Variants in LRFN5 observed in about 807,000 individuals in gnomAD.
LRFN5 encodes leucine rich repeat and fibronectin type III domain containing 5.
A neutral mutation model predicts 45.6 loss-of-function variants in LRFN5; 24 were observed. That is an observed-to-expected ratio of 0.53 (90% CI 0.38 to 0.74). The LOEUF is 0.74. Ranked by LOEUF, LRFN5 falls within the 30% of genes least tolerant of loss-of-function variation. LRFN5 has a pLI of 0.00. For missense variants in LRFN5, 776 were observed against 861.5 expected (o/e 0.90, Z 1.24); for synonymous variants, 340 against 313.8 (o/e 1.08, Z -0.88).
chr14:41,859,464 C>G (rs897329429), intron 2 of LRFN5, among the ~76,000 whole-genome samples: 1 of 152,186 alleles, frequency 6.6e-6, no homozygotes, highest in Non-Finnish European at 1.5e-5. Context: ...TGGTGAGGTC[C>G]TAACACCTTC....
intron 1 of LRFN5, among the ~76,000 whole-genome samples, chr14:41,710,638 A>T (rs1000925430): frequency 1.3e-5 from 2 of 152,144 alleles, no homozygotes; most frequent in Non-Finnish European, 2.9e-5. Flanking sequence ...TTTAAATTAT[A>T]CTTCAAGTTC....
intron 2 of LRFN5, among the ~76,000 whole-genome samples, chr14:41,875,128 C>T (rs1890145393): frequency 6.6e-6 from 1 of 152,220 alleles, no homozygotes; most frequent in Non-Finnish European, 1.5e-5. Context: ...GTACTTATCT[C>T]CTGGAGGTAC....
rs151229737 is a variant in LRFN5 at position 41,842,987 on chromosome 14, A to G, written c.-20-43619A>G. 3.5e-3 allele frequency among the ~76,000 whole-genome samples: 533 copies of G among 151,618 alleles called. 5 individuals carry two copies. The highest frequency in any genetic ancestry group is 0.012 in the African/African-American group (512 of 41,376). ...TTTAGTTAATTTATATCAATGTTTT[A>G]TATGTTATTCATATCATTTCTTTTT... On this transcript the variant is annotated intron_variant, in intron 2 of 5. Transcript: ENST00000298119.
At chr14:41,850,047 T>C (rs1889210971) in intron 2 of LRFN5, among the ~76,000 whole-genome samples, 1 of 151,946 alleles carries the variant, frequency 6.6e-6, no homozygotes, top group Non-Finnish European at 1.5e-5. Flanking sequence ...GGTCTTCACC[T>C]CCAAGTACTA....
chr14:41,633,247 A>AAT (rs1308505841), intron 1 of LRFN5, among the ~76,000 whole-genome samples: 1 of 152,088 alleles, frequency 6.6e-6, no homozygotes, highest in Non-Finnish European at 1.5e-5. Flanking sequence ...ATAGTACTAT[A>AAT]ATATATATAA....
intron 2 of LRFN5, among the ~76,000 whole-genome samples, chr14:41,878,447 A>G (rs1387487143): frequency 1.3e-5 from 2 of 152,144 alleles, no homozygotes; most frequent in Admixed American, 6.5e-5. Context: ...ATTTGCTTTT[A>G]TATTCCATCC....
intron 5 of LRFN5, 145 bp from the exon 6 acceptor site, chr14:41,904,013 G>A (rs567123343): frequency 9.5e-6 from 6 of 629,568 alleles, no homozygotes; most frequent in African/African-American, 9.2e-5. Flanking sequence ...ATGGGTGTGT[G>A]CTGTATTTCA....
chr14:41,633,234 T>G (rs1950830), intron 1 of LRFN5, among the ~76,000 whole-genome samples: 86,238 of 151,784 alleles, frequency 0.57, 24,636 homozygotes, highest in Admixed American at 0.6. Context: ...TAAGAAAAAA[T>G]ATATAGTACT....
chr14:41,722,927 A>G (rs1053450351), intron 1 of LRFN5, among the ~76,000 whole-genome samples: 3 of 152,186 alleles, frequency 2.0e-5, no homozygotes, highest in African/African-American at 7.2e-5. Context: ...AGGCGCAAGC[A>G]CCAGTGCCAA....
At chr14:41,838,787 T>C (rs1330625698) in intron 2 of LRFN5, among the ~76,000 whole-genome samples, 1 of 152,162 alleles carries the variant, frequency 6.6e-6, no homozygotes, top group Non-Finnish European at 1.5e-5. Context: ...TAGACTGATG[T>C]GGGAATGTTG....
At chr14:41,813,527 C>T (rs862544) in intron 2 of LRFN5, among the ~76,000 whole-genome samples, 115,386 of 152,110 alleles carry the variant, frequency 0.76, 44,325 homozygotes, top group East Asian at 0.93. Flanking sequence ...CATGAACTCA[C>T]TCTTTTTTAT....
At chr14:41,796,042 T>C (rs1366472330) in intron 2 of LRFN5, among the ~76,000 whole-genome samples, 1 of 152,026 alleles carries the variant, frequency 6.6e-6, no homozygotes, top group Non-Finnish European at 1.5e-5. Flanking sequence ...TTCTTGTAGA[T>C]AAAATTAATT....
chr14:41,642,769 C>A lies in LRFN5; in HGVS notation c.-197+34207C>A, dbSNP rs191194002. On this transcript the variant is annotated intron_variant, in intron 1 of 5. Transcript: ENST00000298119. Reference sequence around the variant, plus strand: ...CTACTTCACACTGTATTTTCCTTTTCTTTCTTTCTTTTTTTCTTAACATAT... The same window carrying A: ...CTACTTCACACTGTATTTTCCTTTTATTTCTTTCTTTTTTTCTTAACATAT... 5.9e-5 allele frequency among the ~76,000 whole-genome samples: 9 copies of A among 151,456 alleles called. No homozygotes were observed. The East Asian group carries it at 1.7e-3, about 29-fold the overall frequency.
intron 4 of LRFN5, among the ~76,000 whole-genome samples, chr14:41,895,643 A>G (rs950286432): frequency 1.3e-5 from 2 of 152,078 alleles, no homozygotes; most frequent in Non-Finnish European, 2.9e-5. Flanking sequence ...AGAAAAAAAA[A>G]GTAAATAAAT....
At chr14:41,813,945 C>T (rs1472590025) in intron 2 of LRFN5, among the ~76,000 whole-genome samples, 7 of 152,118 alleles carry the variant, frequency 4.6e-5, no homozygotes, top group African/African-American at 1.4e-4. Context: ...TATTTGCTGG[C>T]CACATAAATG....
At chr14:41,805,620 G>A (rs1887500290) in intron 2 of LRFN5, among the ~76,000 whole-genome samples, 1 of 143,522 alleles carries the variant, frequency 7.0e-6, no homozygotes, top group Non-Finnish European at 1.5e-5. Flanking sequence ...TGTTCTCATT[G>A]TTCAATTCCC....
chr14:41,623,106 AAAGTT>A (rs1888192557), intron 1 of LRFN5, among the ~76,000 whole-genome samples: 1 of 152,098 alleles, frequency 6.6e-6, no homozygotes, highest in Non-Finnish European at 1.5e-5. Flanking sequence ...CTCTGCTATT[AAAGTT>A]CAGCTTTCCA....
chr14:41,734,066 C>T (rs1336420117), intron 1 of LRFN5, among the ~76,000 whole-genome samples: 1 of 131,112 alleles, frequency 7.6e-6, no homozygotes, highest in African/African-American at 3.0e-5. Context: ...ACTCTTATTG[C>T]CCAGGCTGGG....
intron 1 of LRFN5, among the ~76,000 whole-genome samples, chr14:41,641,269 C>T (rs1879566057): frequency 6.6e-6 from 1 of 151,998 alleles, no homozygotes; most frequent in Non-Finnish European, 1.5e-5. Flanking sequence ...ACTATAAATT[C>T]AGGTATTAGA....
Sources: gnomAD v4.1 joint callset for allele counts (sites outside exome capture counted in the v4.1 genomes callset) on GRCh38, gnomAD v4.1.1 for gene constraint, MANE v1.5 for transcripts, NCBI Gene and HGNC (gene_info 2026-07-23, HGNC 2026-07-21) for gene names.